CCSER1: variants seen among roughly 807,000 people sequenced by gnomAD.
CCSER1 encodes the protein serine-rich coiled-coil domain-containing protein 1.
CCSER1 carries 41 observed loss-of-function variants against 82.0 expected under a neutral mutation model. The ratio of observed to expected loss-of-function variants is 0.50; its 90% CI spans 0.39 to 0.65. The LOEUF is 0.65. CCSER1 is among the 30% of genes least tolerant of loss of function. The probability of loss-of-function intolerance (pLI) is 0.00; values close to 1 mark genes in which losing one functional copy is unlikely to be tolerated. For missense variants in CCSER1, 1,119 were observed against 1,064.2 expected, an observed-to-expected ratio of 1.05 and a Z score of -0.72; for synonymous variants, 414 against 383.9, an observed-to-expected ratio of 1.08 and a Z score of -0.92.
At chr4:90,776,129 C>T (rs1179090444) in intron 7 of CCSER1, among the ~76,000 whole-genome samples, 1 of 152,044 alleles carries the variant, frequency 6.6e-6, no homozygotes, top group Non-Finnish European at 1.5e-5. Flanking sequence ...TTCTTGGATA[C>T]AACAGTAAAA....
At chr4:91,134,861 A>G (rs1371467747) in intron 10 of CCSER1, among the ~76,000 whole-genome samples, 2 of 152,116 alleles carry the variant, frequency 1.3e-5, no homozygotes, top group African/African-American at 4.8e-5. Flanking sequence ...AGAGATTGAG[A>G]CCATCCTGGC....
At chr4:90,559,666 C>CA (rs1262119779) in intron 5 of CCSER1, among the ~76,000 whole-genome samples, 3 of 151,642 alleles carry the variant, frequency 2.0e-5, no homozygotes, top group East Asian at 3.9e-4. Context: ...ACATAAAATA[C>CA]AAAAGAAATA....
chr4:91,249,790 A>T (rs557283188), intron 10 of CCSER1, among the ~76,000 whole-genome samples: 22 of 152,202 alleles, frequency 1.4e-4, no homozygotes, highest in African/African-American at 5.1e-4. Context: ...GGTATCAGAT[A>T]CTCAATATGC....
rs1223656519 is a variant in CCSER1, at chr4:91,605,137, A to AT, written c.*6086dup. The AT allele has an allele frequency of 1.3e-5, 2 of 152,028 alleles. No homozygotes were observed. Among genetic ancestry groups the AT allele is most frequent in the African/African-American group, 2.4e-5 (1 of 41,430 alleles). 9.4% of individuals were successfully genotyped at this position (152,028 alleles called of 1,614,324 possible). On this transcript the variant is annotated 3_prime_UTR_variant, in exon 11 of 11. Coordinates refer to ENST00000509176, the MANE Select transcript of CCSER1 (RefSeq NM_001145065.2). ...TAGCAATATTGAATACAGTAGTATA[A>AT]TTTTTTGTGGCTCTTGATTTCCTAA... is the stretch of plus-strand genomic sequence containing the variant.
chr4:90,942,083 G>T (rs1485243469), intron 9 of CCSER1, among the ~76,000 whole-genome samples: 1 of 151,964 alleles, frequency 6.6e-6, no homozygotes, highest in Non-Finnish European at 1.5e-5. Flanking sequence ...AAGTAGCTGG[G>T]ACTAGAGGCA....
intron 1 of CCSER1, among the ~76,000 whole-genome samples, chr4:90,230,248 G>T (rs1205110039): frequency 2.0e-5 from 3 of 151,986 alleles, no homozygotes; most frequent in Non-Finnish European, 1.5e-5. Flanking sequence ...AAATGTAAAA[G>T]AACAGAAATT....
At chr4:91,384,072 T>G (rs1330420285) in intron 10 of CCSER1, among the ~76,000 whole-genome samples, 1 of 146,442 alleles carries the variant, frequency 6.8e-6, no homozygotes, top group African/African-American at 2.8e-5. Context: ...CTAAAGTGAA[T>G]TTTTTTTGTG....
chr4:90,623,935 G>T (rs1722825131), intron 5 of CCSER1, among the ~76,000 whole-genome samples: 2 of 152,116 alleles, frequency 1.3e-5, no homozygotes, highest in South Asian at 2.1e-4. Context: ...TTCAAGCTAG[G>T]ATTAAACTCA....
chr4:91,228,036 C>A (rs1046512000), intron 10 of CCSER1, among the ~76,000 whole-genome samples: 4 of 151,966 alleles, frequency 2.6e-5, no homozygotes, highest in Non-Finnish European at 5.9e-5. Context: ...TATTTTATTT[C>A]ATTGCTTTAA....
intron 3 of CCSER1, among the ~76,000 whole-genome samples, chr4:90,395,963 C>T (rs1295143994): frequency 6.6e-6 from 1 of 151,646 alleles, no homozygotes; most frequent in African/African-American, 2.4e-5. Context: ...TGCCTGTAAT[C>T]CCAGCTACTC....
At chr4:91,106,610 T>A (rs1204352119) in intron 10 of CCSER1, among the ~76,000 whole-genome samples, 1 of 152,232 alleles carries the variant, frequency 6.6e-6, no homozygotes, top group Non-Finnish European at 1.5e-5. Flanking sequence ...TATTTTGATG[T>A]GCTTTGGAAT....
chr4:90,385,619 C>G (rs1393790434), intron 3 of CCSER1, among the ~76,000 whole-genome samples: 1 of 151,902 alleles, frequency 6.6e-6, no homozygotes, highest in Non-Finnish European at 1.5e-5. Context: ...ACCACCACAC[C>G]TGGCTAATTT....
chr4:91,312,020 A>C (rs904647714), intron 10 of CCSER1, among the ~76,000 whole-genome samples: 5 of 151,858 alleles, frequency 3.3e-5, no homozygotes, highest in Non-Finnish European at 5.9e-5. Context: ...TCTGATTTTT[A>C]AAATATAGAA....
Position 91,144,876 on chromosome 4 carries a change from G to T in CCSER1, c.2217+58882G>T, listed in dbSNP as rs535131426. On this transcript the variant is annotated intron_variant, in intron 10 of 10. Coordinates refer to ENST00000509176, the MANE Select transcript of CCSER1 (RefSeq NM_001145065.2). ...AAAATTTGTTGAGACTTGCTTTATG[G>T]CCCAGACTGTTGTCAGTCTTAAAGT... 1.7e-4 allele frequency among the ~76,000 whole-genome samples: 26 copies of T among 152,096 alleles called. No homozygotes were observed. The South Asian group carries it at 2.3e-3, about 13-fold the overall frequency.
At chr4:90,904,186 A>G (rs1037192413) in intron 8 of CCSER1, among the ~76,000 whole-genome samples, 1 of 152,128 alleles carries the variant, frequency 6.6e-6, no homozygotes, top group East Asian at 1.9e-4. Flanking sequence ...ATCTTAAACT[A>G]AACGGAAATT....
At chr4:90,211,423 A>G (rs528614655) in intron 1 of CCSER1, among the ~76,000 whole-genome samples, 1 of 152,364 alleles carries the variant, frequency 6.6e-6, no homozygotes, top group East Asian at 1.9e-4. Context: ...ATTTAAAATG[A>G]GTAAGAATGA....
chr4:91,471,629 T>TCAC (rs1462191653), intron 10 of CCSER1, among the ~76,000 whole-genome samples: 1 of 152,120 alleles, frequency 6.6e-6, no homozygotes, highest in African/African-American at 2.4e-5. Context: ...TTCTTTTCCC[T>TCAC]TCAGACTGAC....
chr4:90,700,837 T>C (rs1737940199), intron 6 of CCSER1, among the ~76,000 whole-genome samples: 1 of 152,212 alleles, frequency 6.6e-6, no homozygotes. Flanking sequence ...ATGGGGTTGT[T>C]TTTTTCTTTT....
rs903215259 is a variant in CCSER1, at chr4:90,815,781, G to T, written c.2030G>T (p.Cys677Phe). The T allele has an allele frequency of 3.2e-6, 5 of 1,550,898 alleles. No homozygotes were observed. The highest frequency in any genetic ancestry group is 2.0e-5 in the Admixed American group (1 of 50,970). ...VPFKDIMKDE[C>F]SMLKLQLKEK... ...TTATAGGATATAATGAAAGATGAATGCTCGATGCTCAAGCTGCAGCTGAAA... is the reference window on the plus strand; with the variant it reads ...TTATAGGATATAATGAAAGATGAATTCTCGATGCTCAAGCTGCAGCTGAAA... The change falls in exon 8 of 11, where the codon TGC becomes TTC. Residue 677 changes from cysteine (C) to phenylalanine (F), a missense_variant. Cys to Phe is a radical substitution (Grantham distance 205, BLOSUM62 -2). Transcript: ENST00000509176.
Sources: gnomAD v4.1 joint callset for allele counts (sites outside exome capture counted in the v4.1 genomes callset) on GRCh38, gnomAD v4.1.1 for gene constraint, MANE v1.5 for transcripts, NCBI Gene and HGNC (gene_info 2026-07-23, HGNC 2026-07-21) for gene names.